Variants in DNAH5 observed in about 807,000 individuals in gnomAD.
The protein encoded by DNAH5 is dynein axonemal heavy chain 5.
A neutral mutation model predicts 518.2 loss-of-function variants in DNAH5; 372 were observed. The ratio of observed to expected loss-of-function variants is 0.72; its 90% CI spans 0.66 to 0.78. DNAH5 has a LOEUF of 0.78. DNAH5 is among the 30% of genes least tolerant of loss of function. The pLI is 0.00. For missense variants in DNAH5, 5,523 were observed against 5,687.0 expected (o/e 0.97, Z 0.93); for synonymous variants, 2,039 against 2,025.9 (o/e 1.01, Z -0.17).
At chr5:13,722,171 C>T (rs987110111) in intron 70 of DNAH5, among the ~76,000 whole-genome samples, 4 of 152,106 alleles carry the variant, frequency 2.6e-5, no homozygotes, top group African/African-American at 4.8e-5. Context: ...CTCCAATTCC[C>T]GGAGAAACAC....
intron 47 of DNAH5, among the ~76,000 whole-genome samples, chr5:13,806,463 T>C (rs1759609807): frequency 6.6e-6 from 1 of 152,334 alleles, no homozygotes; most frequent in African/African-American, 2.4e-5. Context: ...AATTAAGTGA[T>C]AAAAAGTGGT....
intron 1 of DNAH5, among the ~76,000 whole-genome samples, chr5:13,992,078 A>T (rs1439563080): frequency 6.6e-6 from 1 of 152,270 alleles, no homozygotes. Context: ...ACAAACTCAC[A>T]GGGAATGAAT....
intron 1 of DNAH5, among the ~76,000 whole-genome samples, chr5:14,005,104 T>A (rs450250): frequency 6.6e-6 from 1 of 151,840 alleles, no homozygotes. Context: ...CACTCTCCCC[T>A]GCCCCAGCTG....
At position 13,923,394 on chromosome 5, in the gene DNAH5, A is replaced by G. The variant is rs752185767; in HGVS notation, c.324T>C (p.Ile108=). The change falls in exon 4 of 79, where the codon ATT becomes ATC. Residue 108 remains isoleucine (I), a synonymous_variant. Transcript: ENST00000265104. ...CGGTCACGAACACCTTAGGTTTTTTAATCTTTCCAGAAACAAGATTTACCC... is the reference window on the plus strand; with the variant it reads ...CGGTCACGAACACCTTAGGTTTTTTGATCTTTCCAGAAACAAGATTTACCC... ...LGGVNLVSGK[I]KKPKVFVTEG... The G allele has an allele frequency of 6.2e-7, 1 of 1,614,186 alleles. No individual in the cohort carries two copies. The highest frequency in any genetic ancestry group is 1.7e-5 in the Admixed American group (1 of 60,028).
intron 1 of DNAH5, among the ~76,000 whole-genome samples, chr5:13,937,603 A>G (rs1264913841): frequency 6.6e-6 from 1 of 151,930 alleles, no homozygotes; most frequent in Non-Finnish European, 1.5e-5. Context: ...TGCATATACC[A>G]GGTCCTCATA....
At chr5:13,785,933 G>T (rs1755918349) in intron 52 of DNAH5, among the ~76,000 whole-genome samples, 2 of 152,152 alleles carry the variant, frequency 1.3e-5, no homozygotes, top group Admixed American at 6.5e-5. Context: ...GCACTGAGCT[G>T]GAAGCCATAT....
At chr5:13,853,196 C>T (rs1050827251) in intron 30 of DNAH5, among the ~76,000 whole-genome samples, 5 of 152,216 alleles carry the variant, frequency 3.3e-5, no homozygotes, top group African/African-American at 9.6e-5. Flanking sequence ...CTTTGCTGTT[C>T]TGCAGCCTCC....
At chr5:13,717,623 C>A (rs1744485353) in intron 72 of DNAH5, 103 bp from the exon 73 acceptor site, 2 of 1,013,450 alleles carry the variant, frequency 2.0e-6, no homozygotes, top group Non-Finnish European at 3.0e-6. Context: ...TATTAAAATT[C>A]ACTTACTTTG....
At chr5:13,714,048 G>A (rs1457835013) in intron 75 of DNAH5, among the ~76,000 whole-genome samples, 3 of 152,046 alleles carry the variant, frequency 2.0e-5, no homozygotes, top group African/African-American at 7.2e-5. Flanking sequence ...TACATAAAAT[G>A]TATTTTTGAA....
chr5:13,824,380 T>C (rs1240645135), intron 38 of DNAH5, 47 bp from the exon 39 acceptor site: 4 of 1,576,142 alleles, frequency 2.5e-6, no homozygotes, highest in Non-Finnish European at 3.5e-6. Context: ...ATTAAAATAC[T>C]TGCAGAAGCC....
chr5:13,919,068 C>A, intron 7 of DNAH5, 108 bp downstream of exon 7: 1 of 1,353,860 alleles, frequency 7.4e-7, no homozygotes, highest in East Asian at 2.3e-5. Flanking sequence ...AAATGTTTTT[C>A]ATCAAGGTAT....
At chr5:13,789,696 A>C (rs1756643607) in intron 50 of DNAH5, among the ~76,000 whole-genome samples, 1 of 152,240 alleles carries the variant, frequency 6.6e-6, no homozygotes, top group Non-Finnish European at 1.5e-5. Flanking sequence ...GATAACATCA[A>C]TTGCTGGAAT....
chr5:13,780,781 C>T, intron 53 of DNAH5, 48 bp downstream of exon 53: 1 of 1,609,584 alleles, frequency 6.2e-7, no homozygotes, highest in African/African-American at 1.3e-5. Context: ...CCTCTGAGCA[C>T]CTTTTATCAA....
chr5:13,917,993 A>G (rs1222029217), intron 7 of DNAH5, among the ~76,000 whole-genome samples: 1 of 152,218 alleles, frequency 6.6e-6, no homozygotes, highest in Non-Finnish European at 1.5e-5. Context: ...GGCAGCCTCT[A>G]TGACGGTCCC....
At chr5:13,880,526 G>A (rs1165916974) in intron 21 of DNAH5, among the ~76,000 whole-genome samples, 1 of 151,988 alleles carries the variant, frequency 6.6e-6, no homozygotes, top group Non-Finnish European at 1.5e-5. Context: ...ATAAAAAGAT[G>A]TAAAATGTGA....
intron 30 of DNAH5, among the ~76,000 whole-genome samples, chr5:13,858,367 A>T (rs1201228830): frequency 6.6e-6 from 1 of 152,166 alleles, no homozygotes; most frequent in African/African-American, 2.4e-5. Flanking sequence ...GAGTTGAACA[A>T]TGAGAACATA....
At chr5:13,843,080 CCTT>C (rs1177161538) in intron 32 of DNAH5, among the ~76,000 whole-genome samples, 1 of 152,110 alleles carries the variant, frequency 6.6e-6, no homozygotes, top group Non-Finnish European at 1.5e-5. Flanking sequence ...GAATTTAGTC[CCTT>C]CTTTCAACCC....
chr5:13,894,853 A>C (rs749879118), intron 15 of DNAH5, 32 bp from the exon 16 acceptor site: 18 of 1,603,730 alleles, frequency 1.1e-5, no homozygotes, highest in Non-Finnish European at 1.4e-5. Context: ...GTAATCAATT[A>C]ATATCTCACT....
intron 50 of DNAH5, 72 bp from the exon 51 acceptor site, chr5:13,788,986 C>A: frequency 7.4e-7 from 1 of 1,356,590 alleles, no homozygotes; most frequent in South Asian, 1.2e-5. Context: ...GTTGACAGTA[C>A]TGTAGAGTAT....
Sources: allele counts gnomAD v4.1 joint callset (sites outside exome capture counted in the v4.1 genomes callset), GRCh38; gene constraint gnomAD v4.1.1; transcripts MANE v1.5; gene names NCBI Gene and HGNC (gene_info 2026-07-23, HGNC 2026-07-21).